Variants in PCDHGA6 observed in about 807,000 individuals in gnomAD.
PCDHGA6 encodes protocadherin gamma subfamily A, 6, also known as protocadherin gamma-A6.
In PCDHGA6, 41 loss-of-function variants were observed where a neutral mutation model predicts 60.6. The ratio of observed to expected loss-of-function variants is 0.68; its 90% CI spans 0.53 to 0.88. The LOEUF is 0.88. Among genes scored for constraint, PCDHGA6 ranks in the 40% least tolerant of loss-of-function variants. The pLI, the probability that PCDHGA6 is intolerant of heterozygous loss-of-function variation, is 0.00. For missense variants in PCDHGA6, 1,312 were observed against 1,203.0 expected (o/e 1.09, Z -1.34); for synonymous variants, 594 against 524.4 (o/e 1.13, Z -1.81).
intron 2 of PCDHGA6, among the ~76,000 whole-genome samples, chr5:141,496,557 C>T (rs190275684): frequency 2.0e-5 from 3 of 152,258 alleles, no homozygotes; most frequent in Admixed American, 1.3e-4. Flanking sequence ...TGGGCATGCA[C>T]AGTCCTGTCA....
At chr5:141,410,765 T>C (rs1238144239) in intron 1 of PCDHGA6, 1 of 1,066,570 alleles carries the variant, frequency 9.4e-7, no homozygotes, top group Non-Finnish European at 1.3e-6. Flanking sequence ...TTTTCAATTA[T>C]AGTTTTCACT....
Position 141,374,157 on chromosome 5 carries a change from G to A in PCDHGA6, c.74G>A (p.Gly25Glu), listed in dbSNP as rs1394990278. 6.2e-7 allele frequency: 1 copy of A among 1,612,216 alleles called. No homozygotes were observed. Among genetic ancestry groups the A allele is most frequent in the African/African-American group, 1.3e-5 (1 of 74,932 alleles). ...LLLTLLGTLWGAAAAQIRYSI... is the reference protein window; with the variant it reads ...LLLTLLGTLWEAAAAQIRYSI... Reference sequence around the variant, plus strand: ...CTCACGCTCCTGGGGACGCTGTGGGGGGCCGCGGCAGCGCAGATCCGCTAC... The same window carrying A: ...CTCACGCTCCTGGGGACGCTGTGGGAGGCCGCGGCAGCGCAGATCCGCTAC... The change falls in exon 1 of 4, where the codon GGG (glycine) becomes GAG (glutamate). Residue 25 changes from glycine (G) to glutamate (E), a missense_variant. Physicochemically the swap from Gly to Glu is moderately conservative, Grantham distance 98. Coordinates refer to ENST00000517434, the MANE Select transcript of PCDHGA6 (RefSeq NM_018919.3).
At chr5:141,503,981 C>T (rs774655880) in intron 2 of PCDHGA6, among the ~76,000 whole-genome samples, 4 of 152,300 alleles carry the variant, frequency 2.6e-5, no homozygotes, top group East Asian at 1.9e-4. Flanking sequence ...CCAAACCCTT[C>T]TTCTTACCTT....
Position 141,458,657 on chromosome 5 carries a change from C to T in PCDHGA6, c.2425-36150C>T, listed in dbSNP as rs1214452360. On this transcript the variant is annotated intron_variant, in intron 1 of 3. Coordinates refer to ENST00000517434, the MANE Select transcript of PCDHGA6 (RefSeq NM_018919.3). ...CAATCCCAGCTCACTGCAACCTCCA[C>T]CTCTCGGGTTCAAGCAATTCTACTG... Among the ~76,000 whole-genome samples, 6 of 152,276 alleles carry T rather than the reference C, an allele frequency of 3.9e-5. No homozygotes were observed. In the East Asian group the frequency reaches 9.6e-4, roughly 24 times the overall value.
Position 141,485,842 on chromosome 5 carries a change from T to G in PCDHGA6, c.2425-8965T>G. 4 of 1,614,002 alleles carry G rather than the reference T, an allele frequency of 2.5e-6. No homozygotes were observed. The highest frequency in any genetic ancestry group is 3.4e-6 in the Non-Finnish European group (4 of 1,179,982). On this transcript the variant is annotated intron_variant, in intron 1 of 3. Coordinates refer to ENST00000517434, the MANE Select transcript of PCDHGA6 (RefSeq NM_018919.3). The surrounding 1 kb of genome is among the most constrained non-coding windows in gnomAD (Gnocchi z 5.7). ...TCGATGGAGGGAACCCGCCGAGATC[T>G]GGCACCGCAGAGCTCCGGGTATCCG...
chr5:141,395,521 T>G, intron 1 of PCDHGA6: 7 of 388,350 alleles, frequency 1.8e-5, no homozygotes, highest in East Asian at 5.0e-5. Flanking sequence ...TACCCGTCCA[T>G]ACTGGTAATT....
At chr5:141,419,457 A>AGGCCCGCGACCAGGGCT in intron 1 of PCDHGA6, 2 of 1,612,728 alleles carry the variant, frequency 1.2e-6, no homozygotes, top group Non-Finnish European at 1.7e-6. Context: ...CTCACGCTGC[A>AGGCCCGCGACCAGGGCT]GGCCCGCGAC....
intron 1 of PCDHGA6, chr5:141,385,485 A>T: frequency 2.8e-6 from 4 of 1,418,146 alleles, no homozygotes; most frequent in Non-Finnish European, 3.7e-6. Flanking sequence ...AATATAGAAC[A>T]CATAGGATAT....
rs2099621975 is a variant in PCDHGA6 at position 141,485,946 on chromosome 5, G to A, written c.2425-8861G>A. ...AGTGTGTTGGAGAGCGCACCAGCGG[G>A]CATGGTGCTCATCCAGCTCAATGCC... On this transcript the variant is annotated intron_variant, in intron 1 of 3. Transcript: ENST00000517434. This position sits in a 1 kb window ranked among gnomAD's most constrained non-coding sequence, Gnocchi z 5.7. The A allele has an allele frequency of 1.2e-6, 2 of 1,614,040 alleles. No homozygotes were observed. The highest frequency in any genetic ancestry group is 2.2e-5 in the East Asian group (1 of 44,884).
At chr5:141,409,075 G>A (rs1416534881) in intron 1 of PCDHGA6, 2 of 1,613,904 alleles carry the variant, frequency 1.2e-6, no homozygotes, top group East Asian at 2.2e-5. Flanking sequence ...CAAAACATAT[G>A]TTCTCATTGG....
chr5:141,428,646 C>T (rs542682298), intron 1 of PCDHGA6: 7 of 170,630 alleles, frequency 4.1e-5, no homozygotes, highest in South Asian at 3.0e-4. Flanking sequence ...CTCCTACTCA[C>T]GTGAGTTCCA....
rs759226115 is a variant in PCDHGA6 at position 141,405,385 on chromosome 5, AT to A, written c.2424+28886del. On this transcript the variant is annotated intron_variant, in intron 1 of 3. Transcript: ENST00000517434. ...ACACCCCTTTGGTTCCGGTGAGTTC[AT>A]TTTTTTTCTTTCTTTCTTTTCTTTT... 1.8e-5 allele frequency: 29 copies of A among 1,599,886 alleles called. No homozygotes were observed. In the East Asian group the frequency reaches 2.2e-4, roughly 12 times the overall value.
At position 141,489,474 on chromosome 5, in the gene PCDHGA6, C is replaced by T. The variant is rs772297075; in HGVS notation, c.2425-5333C>T. On this transcript the variant is annotated intron_variant, in intron 1 of 3. Transcript: ENST00000517434. The surrounding 1 kb of genome is among the most constrained non-coding windows in gnomAD (Gnocchi z 4.5). ...AGAATGGGCGCTATTTTTCCCTGAG[C>T]TTGATGAGTGGTGCCCTGGCAGTGA... 6.2e-7 allele frequency: 1 copy of T among 1,614,108 alleles called. No individual in the cohort carries two copies. The highest frequency in any genetic ancestry group is 8.5e-7 in the Non-Finnish European group (1 of 1,180,034).
At chr5:141,427,411 A>C (rs1256606726) in intron 1 of PCDHGA6, 2 of 464,124 alleles carry the variant, frequency 4.3e-6, no homozygotes, top group Admixed American at 2.3e-5. Flanking sequence ...GATTCGAGAG[A>C]AAATGGGGAG....
intron 1 of PCDHGA6, chr5:141,394,192 A>G: frequency 1.9e-6 from 3 of 1,613,840 alleles, no homozygotes; most frequent in East Asian, 2.2e-5. Flanking sequence ...TACTCAGCGT[A>G]TATCCTAGAG....
In PCDHGA6 at chr5:141,376,251, G is replaced by T; in HGVS notation, c.2168G>T (p.Arg723Leu). 1 of 1,614,228 alleles carries T rather than the reference G, an allele frequency of 6.2e-7. No homozygotes were observed. The highest frequency in any genetic ancestry group is 8.5e-7 in the Non-Finnish European group (1 of 1,180,056). ...AGACTGCAGCGCTGGCACAAGTCAC[G>T]CCTGCTGCAGGCTTCGGGAGGTGGC... The part of the protein sequence containing the change: ...ALRLQRWHKS[R>L]LLQASGGGLA... Residue 723 changes from arginine (R) to leucine (L), a missense_variant, in exon 1 of 4, where the codon CGC becomes CTC. Transcript: ENST00000517434.
intron 1 of PCDHGA6, among the ~76,000 whole-genome samples, chr5:141,447,600 T>G (rs769487703): frequency 6.6e-6 from 1 of 151,992 alleles, no homozygotes; most frequent in Non-Finnish European, 1.5e-5. Flanking sequence ...TCCTATAGAG[T>G]CCTTAGCATT....
In PCDHGA6 at chr5:141,476,789, T is replaced by A. The variant is rs762462741; in HGVS notation, c.2425-18018T>A. On this transcript the variant is annotated intron_variant, in intron 1 of 3. Coordinates refer to ENST00000517434, the MANE Select transcript of PCDHGA6 (RefSeq NM_018919.3). The surrounding 1 kb of genome is among the most constrained non-coding windows in gnomAD (Gnocchi z 7.6). ...GTTGGACGGAGGGACCCCAGCTCTCTCCGCCAGCCTGCCTATTCACATCAA... is the reference window on the plus strand; with the variant it reads ...GTTGGACGGAGGGACCCCAGCTCTCACCGCCAGCCTGCCTATTCACATCAA... 1.3e-5 allele frequency: 21 copies of A among 1,613,374 alleles called. No individual in the cohort carries two copies. Among genetic ancestry groups the A allele is most frequent in the Non-Finnish European group, 1.7e-5 (20 of 1,180,016 alleles).
chr5:141,468,651 G>C (rs2099171216), intron 1 of PCDHGA6: 1 of 152,018 alleles, frequency 6.6e-6, no homozygotes, highest in African/African-American at 2.4e-5. Context: ...CGGATCACAA[G>C]GTCAGGAGAT....
Sources: allele counts gnomAD v4.1 joint callset (sites outside exome capture counted in the v4.1 genomes callset), GRCh38; gene constraint gnomAD v4.1.1; non-coding constraint Gnocchi (gnomAD v3.1); transcripts MANE v1.5; gene names NCBI Gene and HGNC (gene_info 2026-07-23, HGNC 2026-07-21).